NMBR: variants seen among roughly 807,000 people sequenced by gnomAD.
NMBR encodes the protein neuromedin B receptor.
In NMBR, 16 loss-of-function variants were observed where a neutral mutation model predicts 20.5. That is an observed-to-expected ratio of 0.78 (90% CI 0.53 to 1.19). The LOEUF (loss-of-function observed/expected upper bound fraction) is 1.19, where lower values mean the gene tolerates loss of function less well. Among genes scored for constraint, NMBR ranks in the 50% most tolerant of loss-of-function variants. The pLI is 0.00. For missense variants in NMBR, 582 were observed against 499.1 expected, an observed-to-expected ratio of 1.17 and a Z score of -1.58; for synonymous variants, 212 against 196.6, an observed-to-expected ratio of 1.08 and a Z score of -0.65.
At position 142,139,669 on chromosome 6, in the gene NMBR, G is replaced by A. The variant is rs186822067; in HGVS notation, c.-664+7375C>T. On this transcript the variant is annotated intron_variant, in intron 1 of 3. Coordinates refer to ENST00000258042, the MANE Select transcript of NMBR (RefSeq NM_002511.4). ...TTCTTTGAACTAAACACTACATATT[G>A]TTATGTTTAAAGATAGAGATAAGAC... 1.4e-3 allele frequency among the ~76,000 whole-genome samples: 219 copies of A among 152,218 alleles called. 2 individuals are homozygous for A. Among genetic ancestry groups the A allele is most frequent in the Non-Finnish European group, 9.1e-4 (62 of 68,014 alleles).
intron 1 of NMBR, among the ~76,000 whole-genome samples, chr6:142,130,033 G>A (rs1273528152): frequency 6.6e-6 from 1 of 152,054 alleles, no homozygotes; most frequent in Admixed American, 6.6e-5. Flanking sequence ...GGTATGAATT[G>A]TACTTGGTTA....
chr6:142,109,476 C>CTTTTTTTTT (rs77684305), intron 1 of NMBR, among the ~76,000 whole-genome samples: 3 of 108,318 alleles, frequency 2.8e-5, no homozygotes, highest in African/African-American at 1.0e-4. Context: ...TTGGGTATGT[C>CTTTTTTTTT]TTTTTTTTTT....
rs1662539488 is a variant in NMBR, at chr6:142,075,032, C to A, written c.*616G>T. Among the ~76,000 whole-genome samples, 1 of 151,662 alleles carries A rather than the reference C, an allele frequency of 6.6e-6. No homozygotes were observed. The highest frequency in any genetic ancestry group is 2.1e-4 in the South Asian group (1 of 4,794). On this transcript the variant is annotated 3_prime_UTR_variant, in exon 4 of 4. Transcript: ENST00000258042. Reference sequence around the variant, plus strand: ...CAATAAATACCAATTTGATTAAGCTCCACCTTTGAATTTTTTCTTATTTTC... The same window carrying A: ...CAATAAATACCAATTTGATTAAGCTACACCTTTGAATTTTTTCTTATTTTC...
At chr6:142,133,315 C>T (rs1342979789) in intron 1 of NMBR, 9 of 424,498 alleles carry the variant, frequency 2.1e-5, no homozygotes, top group African/African-American at 4.1e-5. Context: ...TGTTAAGTGT[C>T]AACCATATAC....
intron 1 of NMBR, chr6:142,133,871 G>T (rs1311720008): frequency 1.4e-6 from 1 of 697,610 alleles, no homozygotes; most frequent in Admixed American, 2.0e-5. Context: ...AACTGTGATT[G>T]GTCAATTCCA....
intron 1 of NMBR, chr6:142,134,644 A>G: frequency 1.4e-6 from 1 of 693,592 alleles, no homozygotes; most frequent in Non-Finnish European, 2.6e-6. Flanking sequence ...TATCTACACT[A>G]TAATTTATAT....
At chr6:142,134,832 A>G in intron 1 of NMBR, 1 of 667,138 alleles carries the variant, frequency 1.5e-6, no homozygotes, top group Non-Finnish European at 2.7e-6. Context: ...TCATTGCAAT[A>G]AATACATTTA....
chr6:142,078,772 G>T lies in NMBR; in HGVS notation c.554C>A (p.Ala185Asp). Reference sequence around the variant, plus strand: ...GCTATTATCCAAGCTACTGATGCGAGCCACTTCTGAAAACACCGCTTCGGG... The same window carrying T: ...GCTATTATCCAAGCTACTGATGCGATCCACTTCTGAAAACACCGCTTCGGG... ...AVPEAVFSEV[A>D]RISSLDNSSF... is the part of the protein sequence containing the mutation. The change falls in exon 3 of 4, where the codon GCT becomes GAT. Residue 185 changes from alanine (A) to aspartate (D), a missense_variant. Physicochemically the swap from Ala to Asp is moderately radical, Grantham distance 126. Transcript: ENST00000258042. 1.9e-6 allele frequency: 3 copies of T among 1,613,902 alleles called. No homozygotes were observed. Among genetic ancestry groups the T allele is most frequent in the Non-Finnish European group, 2.5e-6 (3 of 1,179,998 alleles).
In NMBR at chr6:142,075,595, G is replaced by T; in HGVS notation, c.*53C>A. 1 of 1,499,800 alleles carries T rather than the reference G, an allele frequency of 6.7e-7. No homozygotes were observed. Among genetic ancestry groups the T allele is most frequent in the Non-Finnish European group, 9.0e-7 (1 of 1,116,410 alleles). The allele number at this position is 1,499,800 out of a possible 1,614,324, so 92.9% of individuals were successfully genotyped here. A position where few individuals can be genotyped will look rare whatever the true frequency, so the allele number is the denominator to read the frequency against. ...ACAGCAAGTTCTGATCTGCCGAATA[G>T]GAATTTTAACAGTTACTAAGTTCTC... On this transcript the variant is annotated 3_prime_UTR_variant, in exon 4 of 4. Coordinates refer to ENST00000258042, the MANE Select transcript of NMBR (RefSeq NM_002511.4).
intron 1 of NMBR, among the ~76,000 whole-genome samples, chr6:142,139,874 T>C (rs1018427079): frequency 3.9e-5 from 6 of 152,122 alleles, no homozygotes; most frequent in African/African-American, 2.4e-5. Flanking sequence ...GCAAATATAG[T>C]AAAAATTAAT....
At chr6:142,110,203 C>T (rs1777737007) in intron 1 of NMBR, among the ~76,000 whole-genome samples, 1 of 152,108 alleles carries the variant, frequency 6.6e-6, no homozygotes, top group South Asian at 2.1e-4. Flanking sequence ...ACTACATTAT[C>T]CAGCAATTTC....
At chr6:142,118,575 C>A (rs1005677617) in intron 1 of NMBR, among the ~76,000 whole-genome samples, 1 of 151,998 alleles carries the variant, frequency 6.6e-6, no homozygotes, top group Non-Finnish European at 1.5e-5. Context: ...TTCTCTATAA[C>A]CTTTCTTTCT....
chr6:142,087,057 A>G (rs546326902), intron 2 of NMBR, among the ~76,000 whole-genome samples: 70 of 152,342 alleles, frequency 4.6e-4, no homozygotes, highest in Middle Eastern at 3.4e-3. Context: ...AATTAGGTAC[A>G]TAATTTATAC....
In NMBR at chr6:142,079,219, G is replaced by A. The variant is rs1777043094; in HGVS notation, c.423-316C>T. The stretch of plus-strand genomic sequence containing the variant: ...AAAGGGAAGGAAGGAAGGAAGGAAA[G>A]AAGGGAGAAGAGAAAAACATTCTGC... On this transcript the variant is annotated intron_variant, in intron 2 of 3. Transcript: ENST00000258042. 2.0e-5 allele frequency among the ~76,000 whole-genome samples: 3 copies of A among 151,284 alleles called. No homozygotes were observed. The South Asian group carries it at 6.3e-4, about 32-fold the overall frequency.
intron 1 of NMBR, among the ~76,000 whole-genome samples, chr6:142,110,602 A>T (rs1777745438): frequency 6.6e-6 from 1 of 152,212 alleles, no homozygotes; most frequent in African/African-American, 2.4e-5. Flanking sequence ...AAATGCTTAC[A>T]GATGTGGATT....
At chr6:142,142,539 C>T (rs556282508) in intron 1 of NMBR, among the ~76,000 whole-genome samples, 74 of 152,188 alleles carry the variant, frequency 4.9e-4, no homozygotes, top group African/African-American at 1.8e-3. Flanking sequence ...TGATAAATAG[C>T]ATCTAAGGAA....
chr6:142,120,269 T>C (rs1344964904), intron 1 of NMBR, among the ~76,000 whole-genome samples: 1 of 151,882 alleles, frequency 6.6e-6, no homozygotes, highest in Admixed American at 6.6e-5. Context: ...CTGTAATCTC[T>C]GAGAAAAAGG....
chr6:142,082,042 A>T (rs1289138315), intron 2 of NMBR, among the ~76,000 whole-genome samples: 1 of 152,218 alleles, frequency 6.6e-6, no homozygotes, highest in Non-Finnish European at 1.5e-5. Context: ...AAGTTTAATC[A>T]TAAAACAAAA....
rs1777019053 is a variant in NMBR at position 142,078,886 on chromosome 6, T to G, written c.440A>C (p.Asn147Thr). 2 of 1,610,492 alleles carry G rather than the reference T, an allele frequency of 1.2e-6. No homozygotes were observed. The highest frequency in any genetic ancestry group is 2.7e-5 in the African/African-American group (2 of 74,002). The change falls in exon 3 of 4, where the codon AAC becomes ACC. Residue 147 changes from asparagine to threonine, a missense_variant. Transcript: ENST00000258042. ...CCCTGACGTCTGCATGTCCATGGGG[T>G]TAACGATGGCTCTGTACCTGGGAAA... Reference protein sequence around the residue: ...LSADRYRAIVNPMDMQTSGAL... With the variant: ...LSADRYRAIVTPMDMQTSGAL...
Sources: gnomAD v4.1 joint callset for allele counts (sites outside exome capture counted in the v4.1 genomes callset) on GRCh38, gnomAD v4.1.1 for gene constraint, MANE v1.5 for transcripts, NCBI Gene and HGNC (gene_info 2026-07-23, HGNC 2026-07-21) for gene names.